Variants in PHF8 observed in about 807,000 individuals in gnomAD.
PHF8 encodes histone lysine demethylase PHF8.
Under a neutral mutation model 74.4 loss-of-function variants are expected in PHF8, and 9 were observed. The ratio of observed to expected loss-of-function variants is 0.12; its 90% CI spans 0.07 to 0.21. PHF8 has a LOEUF of 0.21. Among genes scored for constraint, PHF8 ranks in the 10% least tolerant of loss-of-function variants. The probability of loss-of-function intolerance (pLI) is 1.00; values close to 1 mark genes in which losing one functional copy is unlikely to be tolerated. For synonymous variants in PHF8, 311 were observed against 316.6 expected, an observed-to-expected ratio of 0.98 and a Z score of 0.19; for missense variants, 478 against 816.6, an observed-to-expected ratio of 0.59 and a Z score of 5.05.
chrX:54,025,759 C>T (rs1273172005), intron 2 of PHF8, among the ~76,000 whole-genome samples: 2 of 111,793 alleles, frequency 1.8e-5, no homozygotes, highest in African/African-American at 3.3e-5. Context: ...TCTCTGACCA[C>T]AAGTCTATCT....
At chrX:53,946,483 C>T (rs2064833897) in intron 19 of PHF8, among the ~76,000 whole-genome samples, 1 of 112,231 alleles carries the variant, frequency 8.9e-6, no homozygotes, top group Admixed American at 9.5e-5. Flanking sequence ...AGACATTCTA[C>T]AAGATAAACT....
chrX:53,980,315 A>T (rs1275867149), intron 18 of PHF8, among the ~76,000 whole-genome samples: 1 of 111,377 alleles, frequency 9.0e-6, no homozygotes, highest in African/African-American at 3.3e-5. Context: ...CCATTAGAGT[A>T]GGCCCTAAAC....
intron 2 of PHF8, among the ~76,000 whole-genome samples, chrX:54,033,147 C>T (rs2066390353): frequency 9.0e-6 from 1 of 110,867 alleles, no homozygotes; most frequent in Middle Eastern, 4.2e-3. Context: ...CCCTTTCTGC[C>T]ACCGGAGCGC....
intron 18 of PHF8, among the ~76,000 whole-genome samples, chrX:53,978,093 A>G (rs1311109495): frequency 4.6e-5 from 5 of 108,213 alleles, no homozygotes; most frequent in African/African-American, 1.7e-4. Context: ...CTACAGGCAC[A>G]TGCCACCACA....
intron 2 of PHF8, among the ~76,000 whole-genome samples, chrX:54,041,388 T>TAAAAAAAA (rs370388675): frequency 4.6e-5 from 2 of 43,465 alleles, no homozygotes; most frequent in Non-Finnish European, 9.5e-5. Context: ...TTGTCTCAAA[T>TAAAAAAAA]AAAAAAAAAA....
chrX:53,953,853 C>A (rs1473427038), intron 19 of PHF8, among the ~76,000 whole-genome samples: 3 of 111,188 alleles, frequency 2.7e-5, no homozygotes, highest in Non-Finnish European at 3.8e-5. Context: ...CTACTATATG[C>A]TATCTATACA....
intron 21 of PHF8, 119 bp from the exon 22 acceptor site, chrX:53,939,365 C>A: frequency 1.8e-6 from 1 of 550,882 alleles, no homozygotes; most frequent in Non-Finnish European, 3.0e-6. Flanking sequence ...GTTTCTCCAT[C>A]CTTAGACCAT....
At chrX:54,014,270 T>A (rs782217825) in intron 7 of PHF8, 107 bp downstream of exon 7, 12 of 652,040 alleles carry the variant, frequency 1.8e-5, no homozygotes, top group East Asian at 1.3e-4. Context: ...AAATTTTTTT[T>A]ATTCAAAATG....
At position 53,960,276 on chromosome X, in the gene PHF8, C is replaced by T. The variant is rs781963397; in HGVS notation, c.2539+2568G>A. ...ATCTTTAGTAGAGACGGGGTTTCAC[C>T]GTGTTAGCCAGGATGGTCTCGATCT... On this transcript the variant is annotated intron_variant, in intron 19 of 21. Coordinates refer to ENST00000338154, the MANE Select transcript of PHF8 (RefSeq NM_015107.3). Among the ~76,000 whole-genome samples the T allele has an allele frequency of 1.2e-4, 13 of 106,892 alleles. No homozygotes were observed. The East Asian group carries it at 4.1e-3, about 33-fold the overall frequency. The allele number at this position is 106,892 out of a possible 115,157, so 92.8% of individuals were successfully genotyped here.
intron 2 of PHF8, among the ~76,000 whole-genome samples, chrX:54,028,670 C>T (rs2066307867): frequency 9.0e-6 from 1 of 111,670 alleles, no homozygotes; most frequent in African/African-American, 3.3e-5. Context: ...TCAGTTTCTC[C>T]TTCTGTCTGT....
Position 54,042,683 on chromosome X carries a change from C to T in PHF8, c.46G>A (p.Val16Met). Residue 16 changes from valine to methionine, a missense_variant, in exon 2 of 22, where the codon GTG becomes ATG. Physicochemically the swap from Val to Met is conservative, Grantham distance 21 (BLOSUM62 1). Transcript: ENST00000338154. ...VYCLCRLPYD[V>M]TRFMIECDMC... ...TCACACTCGATCATGAAGCGGGTCA[C>T]ATCGTAAGGCAGCCGGCAGAGGCAA... 8.3e-7 allele frequency: 1 copy of T among 1,211,429 alleles called. No homozygotes were observed.
At chrX:53,940,084 G>T in intron 21 of PHF8, 96 bp downstream of exon 21, 1 of 686,024 alleles carries the variant, frequency 1.5e-6, no homozygotes, top group Non-Finnish European at 2.3e-6. Context: ...TTGGCCTTCA[G>T]TGTCCCTCCC....
chrX:53,937,400 C>T lies in PHF8; in HGVS notation c.*1758G>A, dbSNP rs1310385520. The T allele has an allele frequency of 8.9e-6, 1 of 112,121 alleles. No homozygotes were observed. The highest frequency in any genetic ancestry group is 1.9e-5 in the Non-Finnish European group (1 of 53,262). 9.2% of individuals were successfully genotyped at this position (112,121 alleles called of 1,213,427 possible). On this transcript the variant is annotated 3_prime_UTR_variant, in exon 22 of 22. Coordinates refer to ENST00000338154, the MANE Select transcript of PHF8 (RefSeq NM_015107.3). ...TTACAGCAGTCACCGCATAGTCAGG[C>T]AGTTGCCTATACAGGACAGAGGCTT... is the stretch of plus-strand genomic sequence containing the variant.
chrX:54,042,529 G>A (rs879985773), intron 2 of PHF8, 102 bp downstream of exon 2: 2 of 688,601 alleles, frequency 2.9e-6, no homozygotes, highest in African/African-American at 4.3e-5. Flanking sequence ...CTGGGAGAGG[G>A]GGTCCTGAGC....
chrX:54,044,749 C>T, upstream of PHF8: 2 of 544,758 alleles, frequency 3.7e-6, no homozygotes, highest in South Asian at 4.1e-5. Context: ...GCTACCCCGA[C>T]TCGCACACTC....
chrX:53,976,771 A>G (rs1292190095), intron 18 of PHF8, among the ~76,000 whole-genome samples: 33 of 110,880 alleles, frequency 3.0e-4, no homozygotes, highest in Non-Finnish European at 1.3e-4. Context: ...ATCAAGAATG[A>G]GAAGGGAAAA....
At chrX:53,950,643 G>C (rs954030640) in intron 19 of PHF8, among the ~76,000 whole-genome samples, 6 of 112,171 alleles carry the variant, frequency 5.3e-5, no homozygotes, top group Non-Finnish European at 1.1e-4. Flanking sequence ...CTGGTTCCAG[G>C]CATTTCAGGA....
At chrX:53,966,947 GTC>G (rs2149802203) in intron 18 of PHF8, among the ~76,000 whole-genome samples, 1 of 109,842 alleles carries the variant, frequency 9.1e-6, no homozygotes, top group East Asian at 3.0e-4. Context: ...GGTGAGGAGC[GTC>G]TCTGCCCAGC....
chrX:54,023,978 ACTTCCCAACTAATAAT>A (rs1208963233), intron 2 of PHF8, among the ~76,000 whole-genome samples: 19 of 111,219 alleles, frequency 1.7e-4, no homozygotes, highest in African/African-American at 6.2e-4. Context: ...TGGGATTAGG[ACTTCCCAACTAATAAT>A]CTTCCCAATA....
Sources: gnomAD v4.1 joint callset for allele counts (sites outside exome capture counted in the v4.1 genomes callset) on GRCh38, gnomAD v4.1.1 for gene constraint, MANE v1.5 for transcripts, NCBI Gene and HGNC (gene_info 2026-07-23, HGNC 2026-07-21) for gene names.